The following AFG2A variants were observed in gnomAD, a reference collection of about 807,000 sequenced individuals.
The protein encoded by AFG2A is AAA ATPase AFG2A.
chr4:123,249,644 A>G, the AFG2A span, among the ~76,000 whole-genome samples: 4 of 152,182 alleles, frequency 2.6e-5, no homozygotes, highest in African/African-American at 7.2e-5. Flanking sequence ...TCACTGAGTA[A>G]ACATTTATTG....
At chr4:123,040,098 G>A in the AFG2A span, among the ~76,000 whole-genome samples, 1,841 of 151,702 alleles carry the variant, frequency 0.012, 41 homozygotes, top group African/African-American at 0.041. Context: ...TTGTATATTG[G>A]TAAGAGTTTC....
chr4:123,105,161 T>TA, the AFG2A span, among the ~76,000 whole-genome samples: 1 of 152,234 alleles, frequency 6.6e-6, no homozygotes, highest in Non-Finnish European at 1.5e-5. Context: ...AGTGCTCATT[T>TA]ACCATTCTGA....
At chr4:123,285,140 CT>C in the AFG2A span, among the ~76,000 whole-genome samples, 1 of 151,930 alleles carries the variant, frequency 6.6e-6, no homozygotes, top group South Asian at 2.1e-4. Context: ...CACTGCTAAG[CT>C]GACCTCACTA....
the AFG2A span, among the ~76,000 whole-genome samples, chr4:123,146,559 A>T: frequency 6.6e-6 from 1 of 152,194 alleles, no homozygotes; most frequent in Non-Finnish European, 1.5e-5. Flanking sequence ...ATGCATAGTT[A>T]TGAAACTCAA....
the AFG2A span, among the ~76,000 whole-genome samples, chr4:123,309,190 G>A: frequency 0.69 from 105,062 of 152,166 alleles, 38,412 homozygotes; most frequent in Non-Finnish European, 0.81. Flanking sequence ...GGGAAACAAC[G>A]AGTGTCGTAG....
At chr4:123,122,146 A>G in the AFG2A span, among the ~76,000 whole-genome samples, 1 of 152,170 alleles carries the variant, frequency 6.6e-6, no homozygotes, top group Non-Finnish European at 1.5e-5. Context: ...TTTGCTATCT[A>G]GGATAATATT....
chr4:123,162,025 G>A, the AFG2A span, among the ~76,000 whole-genome samples: 1 of 151,290 alleles, frequency 6.6e-6, no homozygotes, highest in South Asian at 2.1e-4. Flanking sequence ...ATCAGCTGGG[G>A]AAAAAAAAGA....
chr4:123,302,851 G>A, the AFG2A span, among the ~76,000 whole-genome samples: 1 of 152,162 alleles, frequency 6.6e-6, no homozygotes, highest in Admixed American at 6.5e-5. Flanking sequence ...CCTCCTCAAT[G>A]GAAACATTTG....
chr4:122,972,760 T>C, the AFG2A span, among the ~76,000 whole-genome samples: 1 of 152,090 alleles, frequency 6.6e-6, no homozygotes, highest in Admixed American at 6.5e-5. Context: ...ATTTTGTTAT[T>C]CATTCTCCTG....
the AFG2A span, among the ~76,000 whole-genome samples, chr4:123,196,902 A>G: frequency 2.6e-5 from 4 of 152,210 alleles, no homozygotes; most frequent in African/African-American, 4.8e-5. Flanking sequence ...ACTGTATAAA[A>G]TGAGTTGAAA....
chr4:123,161,429 G>A, the AFG2A span, among the ~76,000 whole-genome samples: 1 of 152,168 alleles, frequency 6.6e-6, no homozygotes, highest in African/African-American at 2.4e-5. Flanking sequence ...ATTACACTAA[G>A]TCTTGGGGAA....
chr4:123,001,187 TTC>T, the AFG2A span, among the ~76,000 whole-genome samples: 2 of 151,044 alleles, frequency 1.3e-5, no homozygotes, highest in East Asian at 2.0e-4. Context: ...TATTTGATTC[TTC>T]TCTCTTTTTT....
chr4:122,938,376 C>A, the AFG2A span: 1 of 1,064,586 alleles, frequency 9.4e-7, no homozygotes, highest in Non-Finnish European at 1.2e-6. Flanking sequence ...TTAGCCATAG[C>A]AACTAGGGGA....
the AFG2A span, among the ~76,000 whole-genome samples, chr4:122,942,373 T>A: frequency 6.6e-6 from 1 of 151,682 alleles, no homozygotes; most frequent in Non-Finnish European, 1.5e-5. Flanking sequence ...AGGGTGTATG[T>A]GTCGAGGAAT....
the AFG2A span, among the ~76,000 whole-genome samples, chr4:123,151,183 G>C: frequency 6.6e-6 from 1 of 152,100 alleles, no homozygotes; most frequent in Non-Finnish European, 1.5e-5. Context: ...GAAAACCTAG[G>C]CATTACCGTT....
the AFG2A span, among the ~76,000 whole-genome samples, chr4:122,996,325 G>C: frequency 6.6e-6 from 1 of 152,116 alleles, no homozygotes; most frequent in Non-Finnish European, 1.5e-5. Flanking sequence ...GTGTACCTTT[G>C]TATCCCTAGT....
chr4:123,025,884 A>G, the AFG2A span, among the ~76,000 whole-genome samples: 1 of 152,188 alleles, frequency 6.6e-6, no homozygotes, highest in South Asian at 2.1e-4. Flanking sequence ...ATATTAAAGC[A>G]TGTTACTTGA....
At chr4:123,237,761 C>T in the AFG2A span, among the ~76,000 whole-genome samples, 8 of 150,584 alleles carry the variant, frequency 5.3e-5, no homozygotes, top group African/African-American at 2.0e-4. Flanking sequence ...GCATGATCGA[C>T]ACAGAAGTTG....
chr4:123,090,799 G>C, the AFG2A span: 1 of 1,514,508 alleles, frequency 6.6e-7, no homozygotes, highest in Non-Finnish European at 9.0e-7. Context: ...TTTCTAATCA[G>C]TATTTCATTT....
Sources: gnomAD v4.1 joint callset for allele counts (sites outside exome capture counted in the v4.1 genomes callset) on GRCh38, gnomAD v4.1.1 for gene constraint, MANE v1.5 for transcripts, NCBI Gene and HGNC (gene_info 2026-07-23, HGNC 2026-07-21) for gene names.